The following CHRNB4 variants were observed in gnomAD, a reference collection of about 807,000 sequenced individuals.
CHRNB4 encodes the protein neuronal acetylcholine receptor subunit beta-4.
Under a neutral mutation model 40.4 loss-of-function variants are expected in CHRNB4, and 23 were observed. The ratio of observed to expected loss-of-function variants is 0.57; its 90% CI spans 0.41 to 0.81. The LOEUF (loss-of-function observed/expected upper bound fraction) is 0.81, where lower values mean the gene tolerates loss of function less well. Among genes scored for constraint, CHRNB4 ranks in the 30% least tolerant of loss-of-function variants. The pLI, the probability that CHRNB4 is intolerant of heterozygous loss-of-function variation, is 0.00. For synonymous variants in CHRNB4, 285 were observed against 274.4 expected (o/e 1.04, Z -0.38); for missense variants, 568 against 670.6 (o/e 0.85, Z 1.69).
At chr15:78,658,529 G>C (rs2054231482) in intron 1 of CHRNB4, among the ~76,000 whole-genome samples, 1 of 152,110 alleles carries the variant, frequency 6.6e-6, no homozygotes, top group Non-Finnish European at 1.5e-5. Flanking sequence ...AGTCCTCTTG[G>C]TCCCCAGATC....
rs752396860 is a variant in CHRNB4, at chr15:78,629,810, C to T, written c.495G>A (p.Gln165=). ...AGGAGCGGAACTTGAGGGTGCAGTT[C>T]TGCTGGTCGAAGGGAAAGTACTTCA... ...IEVKYFPFDQ[Q]NCTLKFRSWT... The change falls in exon 5 of 6, where the codon CAG becomes CAA. Residue 165 remains glutamine (Q), a synonymous_variant. Coordinates refer to ENST00000261751, the MANE Select transcript of CHRNB4 (RefSeq NM_000750.5). This position sits in a 1 kb window ranked among gnomAD's most constrained non-coding sequence, Gnocchi z 6.8. 1.2e-6 allele frequency: 2 copies of T among 1,614,142 alleles called. No individual in the cohort carries two copies. Among genetic ancestry groups the T allele is most frequent in the Non-Finnish European group, 1.7e-6 (2 of 1,180,044 alleles).
At chr15:78,642,512 G>A (rs916322313), upstream of CHRNB4, among the ~76,000 whole-genome samples, 26 of 152,234 alleles carry the variant, frequency 1.7e-4, no homozygotes, top group African/African-American at 5.5e-4. Context: ...GAAGCTGGGA[G>A]CTTGGGTGTA....
At chr15:78,638,558 G>C (rs2054002623) in intron 1 of CHRNB4, among the ~76,000 whole-genome samples, 1 of 152,124 alleles carries the variant, frequency 6.6e-6, no homozygotes, top group East Asian at 1.9e-4. Context: ...CCTGGAAATG[G>C]TGCTGTCCCG....
In CHRNB4 at chr15:78,650,399, C is replaced by G. The variant is rs1051443861; in HGVS notation, c.-15-960G>C. ...ATGGTGTCCAAGGATTCATCCAGCT[C>G]TGTTTTCCTGGGCCCAGGGTTTGTC... On this transcript the variant is annotated intron_variant and NMD_transcript_variant, in intron 6 of 11. Transcript: ENST00000559849. Among the ~76,000 whole-genome samples, 4 of 152,178 alleles carry G rather than the reference C, an allele frequency of 2.6e-5. 1 individual carries two copies. The highest frequency in any genetic ancestry group is 4.4e-5 in the Non-Finnish European group (3 of 68,030).
At position 78,629,105 on chromosome 15, in the gene CHRNB4, T is replaced by G. The variant is rs200715663; in HGVS notation, c.1200A>C (p.Pro400=). 3.7e-6 allele frequency: 6 copies of G among 1,614,132 alleles called. No homozygotes were observed. In the East Asian group the frequency reaches 1.3e-4, roughly 36 times the overall value. ...VNPASAASKS[P]AGSTPVAIPR... ...GGATAGCCACCGGGGTAGAGCCGGCTGGAGACTTGGAAGCTGCAGAGGCGG... is the reference window on the plus strand; with the variant it reads ...GGATAGCCACCGGGGTAGAGCCGGCGGGAGACTTGGAAGCTGCAGAGGCGG... The change falls in exon 5 of 6, where the codon CCA becomes CCC. Residue 400 remains proline, a synonymous_variant. Transcript: ENST00000261751. The surrounding 1 kb of genome is among the most constrained non-coding windows in gnomAD (Gnocchi z 6.8).
chr15:78,655,501 G>C (rs1054829827), intron 5 of CHRNB4: 3 of 144,176 alleles, frequency 2.1e-5, no homozygotes, highest in African/African-American at 8.4e-5. Flanking sequence ...AATTACATAT[G>C]TATATAAAAT....
At chr15:78,645,142 T>C (rs2054112597), upstream of CHRNB4, among the ~76,000 whole-genome samples, 1 of 152,118 alleles carries the variant, frequency 6.6e-6, no homozygotes, top group African/African-American at 2.4e-5. Context: ...ACTGGGCCAT[T>C]GTCCGTCTAC....
At chr15:78,647,902 T>G (rs558085269) in intron 7 of CHRNB4, among the ~76,000 whole-genome samples, 1 of 142,978 alleles carries the variant, frequency 7.0e-6, no homozygotes, top group Admixed American at 7.0e-5. Context: ...CTATTCACAA[T>G]GGCAACAAAA....
chr15:78,635,409 G>A, intron 2 of CHRNB4, 30 bp downstream of exon 2: 13 of 1,609,292 alleles, frequency 8.1e-6, no homozygotes, highest in Non-Finnish European at 1.1e-5. Flanking sequence ...CTCCACCTGA[G>A]CCTGAGCCAC....
chr15:78,629,893 T>C lies in CHRNB4; in HGVS notation c.412A>G (p.Asn138Asp). The C allele has an allele frequency of 1.2e-6, 2 of 1,611,396 alleles. No homozygotes were observed. The highest frequency in any genetic ancestry group is 1.7e-6 in the Non-Finnish European group (2 of 1,179,542). The change falls in exon 5 of 6, where the codon AAC (asparagine) becomes GAC (aspartate). Residue 138 changes from asparagine (N) to aspartate (D), a missense_variant. Coordinates refer to ENST00000261751, the MANE Select transcript of CHRNB4 (RefSeq NM_000750.5). This position sits in a 1 kb window ranked among gnomAD's most constrained non-coding sequence, Gnocchi z 6.8. ...GGGGGCAGCCACAGGACGCTGCCGT[T>C]GGACCGGACTATCAAGTTGGTGTAG... is the stretch of plus-strand genomic sequence containing the variant. Reference protein sequence around the residue: ...SVYTNLIVRSNGSVLWLPPAI... With the variant: ...SVYTNLIVRSDGSVLWLPPAI...
intron 5 of CHRNB4, chr15:78,628,226 C>A (rs2053703318): frequency 6.6e-6 from 1 of 152,164 alleles, no homozygotes; most frequent in Admixed American, 6.5e-5. Flanking sequence ...TAATTCATTA[C>A]CCTGGTAATC....
chr15:78,634,587 TAGAG>T (rs895809939), intron 2 of CHRNB4: 1 of 406,072 alleles, frequency 2.5e-6, no homozygotes, highest in Non-Finnish European at 4.9e-6. Flanking sequence ...CCAACCGTGC[TAGAG>T]AGAGAGTCTG....
rs139947074 is a variant in CHRNB4, at chr15:78,650,822, G to C, written c.-15-1383C>G. On this transcript the variant is annotated intron_variant and NMD_transcript_variant, in intron 6 of 11. Transcript: ENST00000559849. ...TCAAATCCACCTCTGCAGAGATAAGGCTTAGGGTTGCTTATGGGCTAGGGA... is the reference window on the plus strand; with the variant it reads ...TCAAATCCACCTCTGCAGAGATAAGCCTTAGGGTTGCTTATGGGCTAGGGA... 3.5e-3 allele frequency among the ~76,000 whole-genome samples: 531 copies of C among 152,288 alleles called. 1 individual carries two copies. The highest frequency in any genetic ancestry group is 0.012 in the African/African-American group (487 of 41,550).
At chr15:78,648,391 CAAAAAA>C (rs745703762) in intron 7 of CHRNB4, among the ~76,000 whole-genome samples, 1 of 73,510 alleles carries the variant, frequency 1.4e-5, no homozygotes, top group Non-Finnish European at 3.1e-5. Flanking sequence ...AGACTTGCCT[CAAAAAA>C]AAAAAAAAAA....
At chr15:78,635,651 G>A in intron 1 of CHRNB4, 64 bp from the exon 2 acceptor site, 2 of 1,598,708 alleles carry the variant, frequency 1.3e-6, no homozygotes, top group East Asian at 2.2e-5. Context: ...GCAGCCTGTG[G>A]CAGCAGGGAG....
At position 78,635,553 on chromosome 15, in the gene CHRNB4, C is replaced by A; in HGVS notation, c.90G>T (p.Leu30=). The part of the protein sequence containing the change: ...NCRVANAEEK[L]MDDLLNKTRY... ...GGGTTTTGTTCAGAAGGTCGTCCATCAGCTTTTCCTCCGCATTGGCCACGC... is the reference window on the plus strand; with the variant it reads ...GGGTTTTGTTCAGAAGGTCGTCCATAAGCTTTTCCTCCGCATTGGCCACGC... Residue 30 remains leucine (L), a synonymous_variant, in exon 2 of 6, where the codon CTG becomes CTT. Transcript: ENST00000261751. The A allele has an allele frequency of 6.2e-7, 1 of 1,614,178 alleles. No homozygotes were observed. Among genetic ancestry groups the A allele is most frequent in the African/African-American group, 1.3e-5 (1 of 75,046 alleles).
At chr15:78,642,933 T>C (rs1398775431), upstream of CHRNB4, among the ~76,000 whole-genome samples, 3 of 152,188 alleles carry the variant, frequency 2.0e-5, no homozygotes, top group Non-Finnish European at 4.4e-5. Flanking sequence ...GTGCCACTAA[T>C]CTTCTCTGTG....
intron 4 of CHRNB4, 114 bp downstream of exon 4, chr15:78,630,962 C>T (rs2053793264): frequency 1.3e-6 from 1 of 785,086 alleles, no homozygotes; most frequent in African/African-American, 1.7e-5. Flanking sequence ...GCCTGGAAGG[C>T]TGGGTAAAGC....
chr15:78,640,896 G>A (rs989440087), intron 1 of CHRNB4, among the ~76,000 whole-genome samples, 183 bp downstream of exon 1: 1 of 152,032 alleles, frequency 6.6e-6, no homozygotes, highest in South Asian at 2.1e-4. Flanking sequence ...ACCCACCCAC[G>A]CAGGCCCGCC....
Sources: gnomAD v4.1 joint callset for allele counts (sites outside exome capture counted in the v4.1 genomes callset) on GRCh38, gnomAD v4.1.1 for gene constraint, Gnocchi (gnomAD v3.1) non-coding constraint, MANE v1.5 for transcripts, NCBI Gene and HGNC (gene_info 2026-07-23, HGNC 2026-07-21) for gene names.